The following AGPAT3 variants were observed in gnomAD, a reference collection of about 807,000 sequenced individuals.
The protein encoded by AGPAT3 is 1-acylglycerol-3-phosphate O-acyltransferase 3, also known as 1-acyl-sn-glycerol-3-phosphate acyltransferase gamma.
In AGPAT3, 5 loss-of-function variants were observed where a neutral mutation model predicts 47.3. The ratio of observed to expected loss-of-function variants is 0.11; its 90% CI spans 0.06 to 0.22. The LOEUF is 0.22. AGPAT3 is among the 10% of genes least tolerant of loss of function. AGPAT3 has a pLI of 1.00. For synonymous variants in AGPAT3, 212 were observed against 208.3 expected, an observed-to-expected ratio of 1.02 and a Z score of -0.15; for missense variants, 315 against 493.0, an observed-to-expected ratio of 0.64 and a Z score of 3.42.
rs890364333 is a variant in AGPAT3, at chr21:43,908,679, C to A, written c.-49+4660C>A. 2.0e-5 allele frequency among the ~76,000 whole-genome samples: 3 copies of A among 152,222 alleles called. No individual in the cohort carries two copies. The highest frequency in any genetic ancestry group is 2.0e-4 in the Admixed American group (3 of 15,284). On this transcript the variant is annotated intron_variant, in intron 2 of 9. Coordinates refer to ENST00000291572, the MANE Select transcript of AGPAT3 (RefSeq NM_020132.5). The surrounding 1 kb of genome is among the most constrained non-coding windows in gnomAD (Gnocchi z 4.9). ...TCAGGGGACTGTGAAATGCCAGCAG[C>A]TTCTAAAACCTTTGGGTTCTTTAAG...
intron 1 of AGPAT3, among the ~76,000 whole-genome samples, chr21:43,872,792 A>G (rs1358152937): frequency 6.6e-6 from 1 of 152,222 alleles, no homozygotes; most frequent in Non-Finnish European, 1.5e-5. Flanking sequence ...TGCTTCTACC[A>G]TGCTGCCTTC....
intron 8 of AGPAT3, 38 bp downstream of exon 8, chr21:43,978,159 C>T: frequency 6.3e-7 from 1 of 1,589,714 alleles, no homozygotes; most frequent in Non-Finnish European, 8.6e-7. Context: ...TCCCGGTCTC[C>T]TGAAGAGGCT....
In AGPAT3 at chr21:43,930,351, AG is replaced by A. The variant is rs1456170893; in HGVS notation, c.-49+26333del. Reference sequence around the variant, plus strand: ...TGTGGTCCTGGGCAGGATTATTTTCAGAGGCAGTGGAGCTAGCGGGGCAGAG... The same window carrying A: ...TGTGGTCCTGGGCAGGATTATTTTCAAGGCAGTGGAGCTAGCGGGGCAGAG... On this transcript the variant is annotated intron_variant, in intron 2 of 9. Transcript: ENST00000291572. This position sits in a 1 kb window ranked among gnomAD's most constrained non-coding sequence, Gnocchi z 5.0. Among the ~76,000 whole-genome samples the A allele has an allele frequency of 6.6e-6, 1 of 152,120 alleles. No individual in the cohort carries two copies. Among genetic ancestry groups the A allele is most frequent in the Non-Finnish European group, 1.5e-5 (1 of 68,018 alleles).
chr21:43,968,180 C>T (rs1289629480), intron 4 of AGPAT3, 65 bp downstream of exon 4: 28 of 807,632 alleles, frequency 3.5e-5, no homozygotes, highest in East Asian at 2.8e-4. Context: ...CGGGGGTGAG[C>T]GGGGACCCAG....
chr21:43,976,296 A>C (rs926533220), intron 7 of AGPAT3, among the ~76,000 whole-genome samples: 2 of 130,084 alleles, frequency 1.5e-5, no homozygotes, highest in African/African-American at 5.9e-5. Context: ...CGAACTCCTG[A>C]GCTCGTGATC....
At chr21:43,960,613 T>C (rs1461769047) in intron 3 of AGPAT3, 3 of 262,728 alleles carry the variant, frequency 1.1e-5, no homozygotes, top group Non-Finnish European at 1.8e-5. Flanking sequence ...GTATTCTCAT[T>C]ATTGTATTAT....
rs1215153774 is a variant in AGPAT3 at position 43,970,616 on chromosome 21, G to A, written c.511-37G>A. The A allele has an allele frequency of 6.2e-7, 1 of 1,609,360 alleles. No individual in the cohort carries two copies. Among genetic ancestry groups the A allele is most frequent in the South Asian group, 1.1e-5 (1 of 90,610 alleles). ...GCCTGGACATGCACCCACCCCAGCT[G>A]CTCTGTGGAGTGACCCTGTCTCCGT... On this transcript the variant is annotated intron_variant, in intron 5 of 9. Coordinates refer to ENST00000291572, the MANE Select transcript of AGPAT3 (RefSeq NM_020132.5). The surrounding 1 kb of genome is among the most constrained non-coding windows in gnomAD (Gnocchi z 5.8).
chr21:43,955,189 G>A lies in AGPAT3; in HGVS notation c.-48-4445G>A. Reference sequence around the variant, plus strand: ...GGGGCCGTCTCAGAAGCACCGCGCTGGACCGGCTGGGCCAGATGCCATGGG... The same window carrying A: ...GGGGCCGTCTCAGAAGCACCGCGCTAGACCGGCTGGGCCAGATGCCATGGG... On this transcript the variant is annotated intron_variant, in intron 2 of 9. Transcript: ENST00000291572. The surrounding 1 kb of genome is among the most constrained non-coding windows in gnomAD (Gnocchi z 4.1). 7.9e-7 allele frequency: 1 copy of A among 1,266,416 alleles called. No homozygotes were observed. Among genetic ancestry groups the A allele is most frequent in the South Asian group, 1.3e-5 (1 of 78,268 alleles). 78.4% of individuals were successfully genotyped at this position (1,266,416 alleles called of 1,614,324 possible).
chr21:43,903,451 TC>T (rs1360706497), intron 1 of AGPAT3, among the ~76,000 whole-genome samples: 1 of 152,226 alleles, frequency 6.6e-6, no homozygotes, highest in Non-Finnish European at 1.5e-5. Context: ...ACGGGCTTTT[TC>T]CTGGTTGCCG....
intron 1 of AGPAT3, among the ~76,000 whole-genome samples, chr21:43,893,643 T>C (rs1306482090): frequency 6.6e-6 from 1 of 152,200 alleles, no homozygotes. Context: ...TCCTTTTACT[T>C]GAACACTTAC....
In AGPAT3 at chr21:43,987,144, C is replaced by T. The variant is rs1056126353; in HGVS notation, c.*4752C>T. ...TCCACAATATAAGAGAAAGCGACTC[C>T]GTGCCTCCTTCTGTTTCTTCGTTTC... On this transcript the variant is annotated 3_prime_UTR_variant, in exon 10 of 10. Transcript: ENST00000291572. Among the ~76,000 whole-genome samples the T allele has an allele frequency of 2.0e-5, 3 of 152,246 alleles. No individual in the cohort carries two copies. Among genetic ancestry groups the T allele is most frequent in the Admixed American group, 6.5e-5 (1 of 15,284 alleles).
rs1318400574 is a variant in AGPAT3 at position 43,908,906 on chromosome 21, C to T, written c.-49+4887C>T. Among the ~76,000 whole-genome samples the T allele has an allele frequency of 6.6e-6, 1 of 152,052 alleles. No homozygotes were observed. The highest frequency in any genetic ancestry group is 1.5e-5 in the Non-Finnish European group (1 of 68,022). ...CTCAGCTCACACGGTCCCCGGATGC[C>T]CCTGCTGTGCTCCGAGGTTGGCCTG... On this transcript the variant is annotated intron_variant, in intron 2 of 9. Coordinates refer to ENST00000291572, the MANE Select transcript of AGPAT3 (RefSeq NM_020132.5). This position sits in a 1 kb window ranked among gnomAD's most constrained non-coding sequence, Gnocchi z 4.9.
At chr21:43,945,576 G>A (rs1307201245) in intron 2 of AGPAT3, among the ~76,000 whole-genome samples, 1 of 152,122 alleles carries the variant, frequency 6.6e-6, no homozygotes, top group Non-Finnish European at 1.5e-5. Context: ...GCCTTTCTGA[G>A]CCCTGTCCCC....
chr21:43,953,267 C>T (rs1407909835), intron 2 of AGPAT3, among the ~76,000 whole-genome samples: 1 of 152,176 alleles, frequency 6.6e-6, no homozygotes, highest in Admixed American at 6.5e-5. Context: ...ATCCCCGCAG[C>T]TAGGAAGGTC....
intron 2 of AGPAT3, among the ~76,000 whole-genome samples, chr21:43,909,233 T>C (rs949898663): frequency 1.3e-5 from 2 of 151,950 alleles, no homozygotes; most frequent in African/African-American, 4.8e-5. Context: ...CCTCGGTCCA[T>C]GGCCCCTTCA....
chr21:43,969,041 G>T (rs2089279123), intron 4 of AGPAT3, 77 bp from the exon 5 acceptor site: 1 of 1,479,250 alleles, frequency 6.8e-7, no homozygotes, highest in Admixed American at 1.8e-5. Flanking sequence ...GGAGCTGGGT[G>T]CAGCGGGAGC....
intron 1 of AGPAT3, among the ~76,000 whole-genome samples, chr21:43,875,276 G>A (rs762404): frequency 0.66 from 100,586 of 152,122 alleles, 34,552 homozygotes; most frequent in Admixed American, 0.77. Flanking sequence ...ATTACTTATA[G>A]TATCTAATAC....
chr21:43,896,943 G>GTTTTTTTTT (rs61657564), intron 1 of AGPAT3, among the ~76,000 whole-genome samples: 2 of 42,340 alleles, frequency 4.7e-5, no homozygotes, highest in African/African-American at 1.1e-4. Context: ...TTGACAGTCC[G>GTTTTTTTTT]TTTTTTTTTT....
intron 2 of AGPAT3, among the ~76,000 whole-genome samples, chr21:43,927,393 T>A (rs1164763136): frequency 1.3e-5 from 2 of 152,136 alleles, no homozygotes; most frequent in African/African-American, 4.8e-5. Context: ...ACTGGGTGGG[T>A]CTGTCTCCCC....
Sources: gnomAD v4.1 joint callset for allele counts (sites outside exome capture counted in the v4.1 genomes callset) on GRCh38, gnomAD v4.1.1 for gene constraint, Gnocchi (gnomAD v3.1) non-coding constraint, MANE v1.5 for transcripts, NCBI Gene and HGNC (gene_info 2026-07-23, HGNC 2026-07-21) for gene names.